The following MACF1 variants were observed in gnomAD, a reference collection of about 807,000 sequenced individuals.
The protein encoded by MACF1 is microtubule-actin cross-linking factor 1.
A neutral mutation model predicts 854.8 loss-of-function variants in MACF1; 193 were observed. The observed-to-expected ratio is 0.23, with a 90% CI of 0.20 to 0.25. MACF1 has a LOEUF of 0.25. MACF1 is among the 10% of genes least tolerant of loss of function. The pLI is 1.00. For missense variants in MACF1, 7,722 were observed against 8,929.1 expected, an observed-to-expected ratio of 0.86 and a Z score of 5.45; for synonymous variants, 3,185 against 3,226.7, an observed-to-expected ratio of 0.99 and a Z score of 0.44.
intron 41 of MACF1, among the ~76,000 whole-genome samples, chr1:39,348,896 T>C (rs1340641553): frequency 6.6e-6 from 1 of 152,186 alleles, no homozygotes; most frequent in Non-Finnish European, 1.5e-5. Context: ...TTGGGCACTT[T>C]CCTTCTCAAA....
At chr1:39,383,030 AGAATTGCTT>A (rs1650380466) in intron 56 of MACF1, among the ~76,000 whole-genome samples, 1 of 152,218 alleles carries the variant, frequency 6.6e-6, no homozygotes, top group South Asian at 2.1e-4. Context: ...CTGAGGCAGG[AGAATTGCTT>A]GAACCCACGG....
At chr1:39,179,487 C>T (rs2148231627) in intron 2 of MACF1, among the ~76,000 whole-genome samples, 1 of 152,264 alleles carries the variant, frequency 6.6e-6, no homozygotes, top group Non-Finnish European at 1.5e-5. Flanking sequence ...TACTTAATCT[C>T]TGTAAGTCTT....
In MACF1 at chr1:39,459,134, A is replaced by T; in HGVS notation, c.21245A>T (p.Gln7082Leu). 1 of 1,614,086 alleles carries T rather than the reference A, an allele frequency of 6.2e-7. No homozygotes were observed. The highest frequency in any genetic ancestry group is 8.5e-7 in the Non-Finnish European group (1 of 1,180,006). ...CCTCCTCCCATGCCAATCCTTTCAC[A>T]GTCTGAAGCAAAAAACCCACGGATC... is the stretch of plus-strand genomic sequence containing the variant. Reference protein sequence around the residue: ...PTPPPMPILSQSEAKNPRINQ... With the variant: ...PTPPPMPILSLSEAKNPRINQ... The change falls in exon 91 of 101, where the codon CAG becomes CTG. Residue 7082 changes from glutamine to leucine, a missense_variant. By Grantham distance (113) the Gln-to-Leu change is moderately radical. Around this residue, in one of 15 missense-constraint regions of MACF1, gnomAD observed 729 missense variants for 900.5 expected, o/e 0.81. Transcript: ENST00000564288.
At chr1:39,411,074 G>A in intron 58 of MACF1, 1 of 1,613,616 alleles carries the variant, frequency 6.2e-7, no homozygotes, top group South Asian at 1.1e-5. Flanking sequence ...GCTAAGGGAG[G>A]CTTCAGTGAG....
chr1:39,294,790 G>A (rs1309720727), intron 18 of MACF1, among the ~76,000 whole-genome samples: 1 of 152,126 alleles, frequency 6.6e-6, no homozygotes, highest in Non-Finnish European at 1.5e-5. Flanking sequence ...CTTGTCTCTG[G>A]TCCAATGCTT....
At chr1:39,160,819 T>A (rs1035804799) in intron 2 of MACF1, among the ~76,000 whole-genome samples, 1 of 152,264 alleles carries the variant, frequency 6.6e-6, no homozygotes, top group African/African-American at 2.4e-5. Context: ...TTTCACCCAC[T>A]GTGCCCCCTG....
chr1:39,475,852 A>G (rs1644870552), intron 97 of MACF1, among the ~76,000 whole-genome samples: 1 of 152,292 alleles, frequency 6.6e-6, no homozygotes, highest in East Asian at 1.9e-4. Context: ...GGATGAGCTC[A>G]TCACCAGGTC....
Position 39,385,567 on chromosome 1 carries a change from A to T in MACF1, c.13982A>T (p.Asn4661Ile), listed in dbSNP as rs201099014. 1 of 1,614,190 alleles carries T rather than the reference A, an allele frequency of 6.2e-7. No individual in the cohort carries two copies. Among genetic ancestry groups the T allele is most frequent in the South Asian group, 1.1e-5 (1 of 91,078 alleles). ...SQVQKELQSINQKWVELTDKL... is the reference protein window; with the variant it reads ...SQVQKELQSIIQKWVELTDKL... ...GTACAGAAAGAACTCCAGAGCATCAATCAGAAATGGGTTGAGCTGACTGAC... is the reference window on the plus strand; with the variant it reads ...GTACAGAAAGAACTCCAGAGCATCATTCAGAAATGGGTTGAGCTGACTGAC... The change falls in exon 57 of 101, where the codon AAT (asparagine) becomes ATT (isoleucine). Residue 4661 changes from asparagine to isoleucine, a missense_variant. Physicochemically the swap from Asn to Ile is moderately radical, Grantham distance 149 (BLOSUM62 -3). Coordinates refer to ENST00000564288, the MANE Select transcript of MACF1 (RefSeq NM_001394062.1).
chr1:39,265,214 C>T (rs1017752766), intron 6 of MACF1, among the ~76,000 whole-genome samples: 10 of 151,908 alleles, frequency 6.6e-5, no homozygotes, highest in African/African-American at 2.4e-4. Context: ...GCACTTGGTG[C>T]TTGGCATATA....
At chr1:39,279,554 C>T (rs774371060) in intron 6 of MACF1, among the ~76,000 whole-genome samples, 33 of 152,172 alleles carry the variant, frequency 2.2e-4, no homozygotes, top group Non-Finnish European at 3.5e-4. Flanking sequence ...CTGATAGAGA[C>T]GACTAAGAGA....
chr1:39,386,768 T>C (rs1641817940), intron 57 of MACF1, among the ~76,000 whole-genome samples: 2 of 152,088 alleles, frequency 1.3e-5, no homozygotes, highest in Non-Finnish European at 2.9e-5. Context: ...TCTTGCTTTG[T>C]TGCCCAAGCT....
At chr1:39,178,042 G>A (rs1644054374) in intron 2 of MACF1, among the ~76,000 whole-genome samples, 1 of 151,958 alleles carries the variant, frequency 6.6e-6, no homozygotes, top group Admixed American at 6.6e-5. Flanking sequence ...TCTTTAGGCT[G>A]TCAGGGAAAT....
intron 2 of MACF1, among the ~76,000 whole-genome samples, chr1:39,138,005 C>T (rs1056863648): frequency 9.9e-5 from 13 of 131,630 alleles, no homozygotes; most frequent in African/African-American, 2.8e-4. Context: ...TCCTGGGAGG[C>T]GGAGGTTGCA....
At chr1:39,222,135 A>T (rs547647446) in intron 1 of MACF1, among the ~76,000 whole-genome samples, 47 of 151,934 alleles carry the variant, frequency 3.1e-4, no homozygotes, top group African/African-American at 1.1e-3. Flanking sequence ...AAAAAAAAAA[A>T]TTTCTTTTTG....
At chr1:39,464,805 T>C (rs1424200345) in intron 94 of MACF1, 2 of 376,910 alleles carry the variant, frequency 5.3e-6, no homozygotes, top group African/African-American at 4.2e-5. Context: ...TCCCAACTAC[T>C]AGGGAGGCTG....
chr1:39,417,465 G>C (rs564547986), intron 58 of MACF1, among the ~76,000 whole-genome samples: 5 of 152,258 alleles, frequency 3.3e-5, no homozygotes, highest in African/African-American at 1.2e-4. Context: ...ACGCTCTGCT[G>C]ATCGGCAGAA....
chr1:39,271,983 T>C (rs896131801), intron 6 of MACF1, among the ~76,000 whole-genome samples: 1 of 152,230 alleles, frequency 6.6e-6, no homozygotes, highest in Non-Finnish European at 1.5e-5. Flanking sequence ...ATGATTCAAA[T>C]TGGTGTGTGG....
chr1:39,464,559 G>T, intron 94 of MACF1: 1 of 153,172 alleles, frequency 6.5e-6, no homozygotes, highest in Non-Finnish European at 1.4e-5. Flanking sequence ...TTATCTATGA[G>T]AGAAATGAAT....
rs145271544 is a variant in MACF1, at chr1:39,387,312, G to T, written c.14470G>T (p.Ala4824Ser). 5.6e-6 allele frequency: 9 copies of T among 1,614,100 alleles called. No homozygotes were observed. Among genetic ancestry groups the T allele is most frequent in the Non-Finnish European group, 6.8e-6 (8 of 1,180,056 alleles). ...GCAAGCAAAAAACTGCCCAATTTCT[G>T]CAAAATTGGAGCGGCTACAGTCTCA... ...SQQAKNCPIS[A>S]KLERLQSQLQ... The change falls in exon 58 of 101, where the codon GCA (alanine) becomes TCA (serine). Residue 4824 changes from alanine (A) to serine (S), a missense_variant. Around this residue, in one of 15 missense-constraint regions of MACF1, gnomAD observed 2,807 missense variants for 3,235.8 expected, o/e 0.87. Coordinates refer to ENST00000564288, the MANE Select transcript of MACF1 (RefSeq NM_001394062.1).
Sources: allele counts gnomAD v4.1 joint callset (sites outside exome capture counted in the v4.1 genomes callset), GRCh38; gene constraint gnomAD v4.1.1; regional missense constraint gnomAD v4.1.1; transcripts MANE v1.5; gene names NCBI Gene and HGNC (gene_info 2026-07-23, HGNC 2026-07-21).